Variants in PDE10A observed in about 807,000 individuals in gnomAD.
PDE10A encodes cAMP and cAMP-inhibited cGMP 3',5'-cyclic phosphodiesterase 10A.
PDE10A carries 39 observed loss-of-function variants against 97.7 expected under a neutral mutation model. That is an observed-to-expected ratio of 0.40 (90% confidence interval 0.31 to 0.52). The LOEUF is 0.52. PDE10A is among the 20% of genes least tolerant of loss of function. The pLI is 0.56. For missense variants in PDE10A, 731 were observed against 1,047.8 expected, an observed-to-expected ratio of 0.70 and a Z score of 4.17; for synonymous variants, 371 against 376.8, an observed-to-expected ratio of 0.98 and a Z score of 0.18.
chr6:165,546,316 C>T (rs527375909), intron 1 of PDE10A, among the ~76,000 whole-genome samples: 74 of 152,136 alleles, frequency 4.9e-4, no homozygotes, highest in African/African-American at 1.7e-3. Flanking sequence ...GATGATGAAA[C>T]TATTCTGTAA....
chr6:165,744,066 A>G (rs1792790895), intron 1 of PDE10A, among the ~76,000 whole-genome samples: 1 of 152,216 alleles, frequency 6.6e-6, no homozygotes, highest in Admixed American at 6.5e-5. Context: ...GTTACAGGTC[A>G]TCTATTTAAA....
chr6:165,803,560 T>C (rs1032287867), intron 1 of PDE10A, among the ~76,000 whole-genome samples: 2 of 152,132 alleles, frequency 1.3e-5, no homozygotes, highest in Non-Finnish European at 1.5e-5. Flanking sequence ...TAGGAATGAG[T>C]CCTGTTCATC....
intron 1 of PDE10A, among the ~76,000 whole-genome samples, chr6:165,585,422 T>C (rs531034146): frequency 6.6e-4 from 101 of 152,284 alleles, no homozygotes; most frequent in African/African-American, 2.3e-3. Context: ...TCACAGTCCA[T>C]TGACTTTAAG....
rs11969672 is a variant in PDE10A at position 165,371,497 on chromosome 6, C to T, written c.2783+7697G>A. 7.7e-3 allele frequency among the ~76,000 whole-genome samples: 1,165 copies of T among 151,596 alleles called. 62 individuals carry two copies. Among genetic ancestry groups the T allele is most frequent in the Admixed American group, 0.069 (1,055 of 15,212 alleles). ...ATCTAGAAGAAATGGATAAATTCCT[C>T]GACACATACACTCTCCCAAGACTAA... On this transcript the variant is annotated intron_variant, in intron 18 of 21. Coordinates refer to ENST00000539869, the MANE Select transcript of PDE10A (RefSeq NM_001385079.1).
intron 1 of PDE10A, among the ~76,000 whole-genome samples, chr6:165,832,269 G>C (rs373723280): frequency 6.6e-6 from 1 of 151,898 alleles, no homozygotes; most frequent in African/African-American, 2.4e-5. Context: ...GGTGGGAGGC[G>C]GAGAGGAACG....
intron 1 of PDE10A, among the ~76,000 whole-genome samples, chr6:165,872,027 C>T (rs1054625761): frequency 1.3e-5 from 2 of 151,976 alleles, no homozygotes; most frequent in African/African-American, 4.8e-5. Context: ...AGAAGCGTTG[C>T]CTTGTTCTCA....
intron 1 of PDE10A, among the ~76,000 whole-genome samples, chr6:165,557,438 A>T (rs1343817256): frequency 6.6e-6 from 1 of 152,200 alleles, no homozygotes; most frequent in Non-Finnish European, 1.5e-5. Context: ...GTTTAAAATG[A>T]ACATTATCAT....
chr6:165,488,029 CAAAAAAAA>C (rs58319021), intron 2 of PDE10A, among the ~76,000 whole-genome samples: 2,559 of 83,412 alleles, frequency 0.031, 75 homozygotes, highest in African/African-American at 0.094. Flanking sequence ...AACAAATTGG[CAAAAAAAA>C]AAAAAAAAAA....
At chr6:165,949,024 C>G (rs966925268) in intron 1 of PDE10A, 1 of 152,196 alleles carries the variant, frequency 6.6e-6, no homozygotes, top group Non-Finnish European at 1.5e-5. Flanking sequence ...CAGGAAATGG[C>G]CCTGGTAAAT....
rs71029565 is a variant in PDE10A at position 165,823,567 on chromosome 6, T to TTATATATAAATATTCAA, written c.-615+163945_-615+163961dup. ...TATTATATAGAAATATATGTATACT[T>TTATATATAAATATTCAA]TATATATAAATATTCAATATATATA... On this transcript the variant is annotated intron_variant, in intron 1 of 19. Coordinates refer to the PDE10A transcript ENST00000366882. 1.6e-4 allele frequency among the ~76,000 whole-genome samples: 22 copies of TTATATATAAATATTCAA among 136,770 alleles called. 1 individual carries two copies. The South Asian group carries it at 1.6e-3, about 10-fold the overall frequency. The allele number at this position is 136,770 out of a possible 152,430, so 89.7% of individuals were successfully genotyped here.
rs563850824 is a variant in PDE10A at position 165,689,418 on chromosome 6, G to C, written c.-614-145850C>G. ...TGTCCCTGATACAGTTTGGATGTCT[G>C]TTCCCCCAGATCTCATGAGGAAATG... On this transcript the variant is annotated intron_variant, in intron 1 of 19. Transcript: ENST00000366882. Among the ~76,000 whole-genome samples the C allele has an allele frequency of 5.9e-5, 9 of 152,292 alleles. No homozygotes were observed. In the East Asian group the frequency reaches 1.7e-3, roughly 29 times the overall value.
chr6:165,812,897 A>T (rs1222604190), intron 1 of PDE10A, among the ~76,000 whole-genome samples: 1 of 152,176 alleles, frequency 6.6e-6, no homozygotes, highest in Non-Finnish European at 1.5e-5. Context: ...AGGGGGAATT[A>T]GATCAGGTTT....
intron 1 of PDE10A, among the ~76,000 whole-genome samples, chr6:165,925,084 C>T (rs774839420): frequency 2.0e-5 from 3 of 151,954 alleles, no homozygotes; most frequent in South Asian, 4.2e-4. Context: ...TGAAATGGGC[C>T]GAAGACATAA....
At chr6:165,959,600 A>G (rs1784297787) in intron 1 of PDE10A, among the ~76,000 whole-genome samples, 1 of 152,178 alleles carries the variant, frequency 6.6e-6, no homozygotes, top group Non-Finnish European at 1.5e-5. Context: ...GTTTCCCTGG[A>G]TAATGTTCCA....
chr6:165,717,214 C>T (rs1582985162), intron 1 of PDE10A, among the ~76,000 whole-genome samples: 1 of 152,212 alleles, frequency 6.6e-6, no homozygotes, highest in East Asian at 1.9e-4. Flanking sequence ...TGGATGGACA[C>T]ACTACAATCT....
chr6:165,744,690 T>G (rs1044060445), intron 1 of PDE10A, among the ~76,000 whole-genome samples: 5 of 152,172 alleles, frequency 3.3e-5, no homozygotes, highest in Admixed American at 6.5e-5. Flanking sequence ...GAAGTACTGT[T>G]TTGACGTGTT....
intron 18 of PDE10A, among the ~76,000 whole-genome samples, chr6:165,364,608 A>G (rs1423964401): frequency 6.6e-6 from 1 of 152,156 alleles, no homozygotes; most frequent in African/African-American, 2.4e-5. Flanking sequence ...ACTTTTTTAT[A>G]CCTTTACTGT....
chr6:165,433,101 A>G lies in PDE10A; in HGVS notation c.1364T>C (p.Leu455Pro), dbSNP rs113846502. 2.5e-6 allele frequency: 4 copies of G among 1,611,324 alleles called. No homozygotes were observed. The African/African-American group carries it at 5.3e-5, about 22-fold the overall frequency. ...GDERFPRGTGLESGTRIQSVL... is the reference protein window; with the variant it reads ...GDERFPRGTGPESGTRIQSVL... ...AGACTGGATACGAGTCCCTGATTCC[A>G]GTCCAGTACCTCTTGGAAATCGTTC... The change falls in exon 7 of 22, where the codon CTG becomes CCG. Residue 455 changes from leucine (L) to proline (P), a missense_variant. Physicochemically the swap from Leu to Pro is moderately conservative, Grantham distance 98. Around this residue, in one of 8 missense-constraint regions of PDE10A, gnomAD observed 152 missense variants for 199.3 expected, o/e 0.76. Coordinates refer to ENST00000539869, the MANE Select transcript of PDE10A (RefSeq NM_001385079.1).
intron 13 of PDE10A, among the ~76,000 whole-genome samples, chr6:165,407,234 C>T (rs567300618): frequency 6.6e-6 from 1 of 152,212 alleles, no homozygotes; most frequent in Admixed American, 6.5e-5. Flanking sequence ...TCCCTGTAGG[C>T]AACCTTAGGA....
Sources: allele counts gnomAD v4.1 joint callset (sites outside exome capture counted in the v4.1 genomes callset), GRCh38; gene constraint gnomAD v4.1.1; regional missense constraint gnomAD v4.1.1; transcripts MANE v1.5; gene names NCBI Gene and HGNC (gene_info 2026-07-23, HGNC 2026-07-21).